GORASP2: variants seen among roughly 807,000 people sequenced by gnomAD.
The protein encoded by GORASP2 is Golgi reassembly-stacking protein 2.
Under a neutral mutation model 45.7 loss-of-function variants are expected in GORASP2, and 22 were observed. That is an observed-to-expected ratio of 0.48 (90% confidence interval 0.34 to 0.69). The LOEUF is 0.69. GORASP2 is among the 30% of genes least tolerant of loss of function. The probability of loss-of-function intolerance (pLI) is 0.01; values close to 1 mark genes in which losing one functional copy is unlikely to be tolerated. For missense variants in GORASP2, 491 were observed against 562.7 expected, an observed-to-expected ratio of 0.87 and a Z score of 1.29; for synonymous variants, 221 against 215.6, an observed-to-expected ratio of 1.02 and a Z score of -0.22.
intron 8 of GORASP2, among the ~76,000 whole-genome samples, chr2:170,962,243 T>C (rs1214296291): frequency 1.3e-5 from 2 of 152,234 alleles, no homozygotes; most frequent in Non-Finnish European, 2.9e-5. Context: ...ACTATTTTAG[T>C]GATCAAATAT....
At chr2:170,948,847 A>C (rs139043962) in intron 2 of GORASP2, 1 of 155,262 alleles carries the variant, frequency 6.4e-6, no homozygotes, top group Non-Finnish European at 1.4e-5. Context: ...TGTTATTAGA[A>C]CCAGACAGAG....
At chr2:170,929,864 G>A (rs752583331) in intron 1 of GORASP2, 13 of 439,216 alleles carry the variant, frequency 3.0e-5, no homozygotes, top group Non-Finnish European at 4.3e-5. Context: ...GCGGCGGCAG[G>A]TGTTAAATCA....
At chr2:170,963,374 CA>C (rs766498214) in intron 9 of GORASP2, among the ~76,000 whole-genome samples, 175 of 76,546 alleles carry the variant, frequency 2.3e-3, no homozygotes, top group East Asian at 3.2e-3. Context: ...GACTTCATCT[CA>C]AAAAAAAAAA....
Position 170,956,579 on chromosome 2 carries a change from C to CTGTT in GORASP2, c.823+22_823+25dup. On this transcript the variant is annotated intron_variant, in intron 7 of 9. Coordinates refer to ENST00000234160, the MANE Select transcript of GORASP2 (RefSeq NM_015530.5). ...GTACAGGTGTGCAGAAAAATATATT[C>CTGTT]TGTTTTCAGTCTATTTTATGTAATA... 1 of 1,584,682 alleles carries CTGTT rather than the reference C, an allele frequency of 6.3e-7. No homozygotes were observed. Among genetic ancestry groups the CTGTT allele is most frequent in the Non-Finnish European group, 8.6e-7 (1 of 1,166,826 alleles).
chr2:170,949,989 T>C, intron 3 of GORASP2: 2 of 525,886 alleles, frequency 3.8e-6, no homozygotes, highest in Non-Finnish European at 6.7e-6. Context: ...TTAGAGTAGA[T>C]AGCTACAAAA....
intron 7 of GORASP2, among the ~76,000 whole-genome samples, chr2:170,958,818 T>G (rs1172932008): frequency 6.6e-6 from 1 of 152,134 alleles, no homozygotes; most frequent in Non-Finnish European, 1.5e-5. Context: ...TACAGGCACG[T>G]GCCACCACAC....
intron 3 of GORASP2, 131 bp from the exon 4 acceptor site, chr2:170,950,073 C>A: frequency 1.7e-6 from 1 of 572,810 alleles, no homozygotes; most frequent in South Asian, 2.5e-5. Flanking sequence ...TAGTTTCTGA[C>A]ATCTGACACA....
chr2:170,945,893 GTGTATC>G (rs1704172328), intron 1 of GORASP2, among the ~76,000 whole-genome samples: 1 of 152,192 alleles, frequency 6.6e-6, no homozygotes. Flanking sequence ...ATGGTTGAAA[GTGTATC>G]TGTCATTTGC....
At chr2:170,963,010 T>G in intron 9 of GORASP2, 64 bp downstream of exon 9, 2 of 1,030,378 alleles carry the variant, frequency 1.9e-6, no homozygotes, top group Admixed American at 3.5e-5. Context: ...GGAATGCCCA[T>G]CCTCTTCAGT....
At chr2:170,930,981 A>T (rs1703808951) in intron 1 of GORASP2, among the ~76,000 whole-genome samples, 1 of 115,590 alleles carries the variant, frequency 8.7e-6, no homozygotes, top group African/African-American at 2.5e-5. Context: ...AGCAAAAAAA[A>T]AAAAAAAAAG....
rs747024066 is a variant in GORASP2 at position 170,962,915 on chromosome 2, A to G, written c.987A>G (p.Pro329=). The G allele has an allele frequency of 6.2e-7, 1 of 1,613,946 alleles. No homozygotes were observed. Residue 329 remains proline (P), a synonymous_variant, in exon 9 of 10, where the codon CCA becomes CCG. Transcript: ENST00000234160. Reference sequence around the variant, plus strand: ...ACCTCCCAGCACCACACATCATGCCAGGGGTTGGCTTACCAGAACTTGTAA... The same window carrying G: ...ACCTCCCAGCACCACACATCATGCCGGGGGTTGGCTTACCAGAACTTGTAA... ...NLNLPAPHIM[P]GVGLPELVNP...
rs1704563966 is a variant in GORASP2, at chr2:170,961,648, G to T, written c.824-15G>T. On this transcript the variant is annotated splice_polypyrimidine_tract_variant and intron_variant, in intron 7 of 9. Transcript: ENST00000234160. The stretch of plus-strand genomic sequence containing the variant: ...TAAATTTGTTAGAAATGAAAAGATT[G>T]TGCTTTCTTTTTAGGTGTACCAACA... 7.4e-7 allele frequency: 1 copy of T among 1,360,014 alleles called. No homozygotes were observed. The highest frequency in any genetic ancestry group is 1.1e-6 in the Non-Finnish European group (1 of 948,194). 84.2% of individuals were successfully genotyped at this position (1,360,014 alleles called of 1,614,324 possible). A position where few individuals can be genotyped will look rare whatever the true frequency, so the allele number is the denominator to read the frequency against.
chr2:170,945,594 C>G (rs1188152029), intron 1 of GORASP2, among the ~76,000 whole-genome samples: 1 of 151,830 alleles, frequency 6.6e-6, no homozygotes, highest in Admixed American at 6.6e-5. Context: ...TGATTTGGTC[C>G]CAAATTTGCA....
At chr2:170,956,618 T>C in intron 7 of GORASP2, 59 bp downstream of exon 7, 4 of 1,464,148 alleles carry the variant, frequency 2.7e-6, no homozygotes, top group Non-Finnish European at 3.7e-6. Context: ...TTGCATAGAA[T>C]TTTAAAAATT....
intron 1 of GORASP2, among the ~76,000 whole-genome samples, chr2:170,932,376 A>G (rs1193863781): frequency 6.6e-6 from 1 of 152,208 alleles, no homozygotes; most frequent in African/African-American, 2.4e-5. Context: ...CATCTGCTTC[A>G]TGCTTTCAGT....
rs754310683 is a variant in GORASP2 at position 170,949,549 on chromosome 2, A to G, written c.155A>G (p.Asn52Ser). Residue 52 changes from asparagine to serine, a missense_variant, in exon 3 of 10, where the codon AAT becomes AGT. By Grantham distance (46) the Asn-to-Ser change is conservative. This residue lies in a region of GORASP2 where 194 missense variants were observed against 270.4 expected (regional missense o/e 0.72). Transcript: ENST00000234160. ...TCTATGTGTTCACAGAATAAAGACAATGACACTCTTAAGGATCTGCTGAAA... is the reference window on the plus strand; with the variant it reads ...TCTATGTGTTCACAGAATAAAGACAGTGACACTCTTAAGGATCTGCTGAAA... Reference protein sequence around the residue: ...SINGSRLNKDNDTLKDLLKAN... With the variant: ...SINGSRLNKDSDTLKDLLKAN... 2.5e-6 allele frequency: 4 copies of G among 1,612,832 alleles called. No individual in the cohort carries two copies. Among genetic ancestry groups the G allele is most frequent in the Admixed American group, 1.7e-5 (1 of 59,988 alleles).
intron 1 of GORASP2, among the ~76,000 whole-genome samples, chr2:170,933,022 A>T (rs1292272765): frequency 6.6e-6 from 1 of 152,128 alleles, no homozygotes; most frequent in Non-Finnish European, 1.5e-5. Flanking sequence ...TGTCTAAAAA[A>T]TTATTAGTGG....
chr2:170,935,039 A>C (rs1031354850), intron 1 of GORASP2, among the ~76,000 whole-genome samples: 1 of 152,082 alleles, frequency 6.6e-6, no homozygotes, highest in Admixed American at 6.5e-5. Flanking sequence ...TGCCAGGCCC[A>C]AAATTGATCT....
chr2:170,964,320 A>T (rs570732194), intron 9 of GORASP2, among the ~76,000 whole-genome samples: 1 of 152,324 alleles, frequency 6.6e-6, no homozygotes, highest in African/African-American at 2.4e-5. Context: ...ATCTGTGTAT[A>T]TTCCTTAACC....
Sources: gnomAD v4.1 joint callset for allele counts (sites outside exome capture counted in the v4.1 genomes callset) on GRCh38, gnomAD v4.1.1 for gene constraint, gnomAD v4.1.1 regional missense constraint, MANE v1.5 for transcripts, NCBI Gene and HGNC (gene_info 2026-07-23, HGNC 2026-07-21) for gene names.